ACTL8: variants seen among roughly 807,000 people sequenced by gnomAD.
The protein encoded by ACTL8 is actin like 8, also known as actin-like protein 8.
In ACTL8, 3 loss-of-function variants were observed where a neutral mutation model predicts 9.3. That is an observed-to-expected ratio of 0.32 (90% CI 0.15 to 0.83). The LOEUF (loss-of-function observed/expected upper bound fraction) is 0.83. ACTL8 is among the 40% of genes least tolerant of loss of function. The probability of loss-of-function intolerance (pLI) is 0.57; values close to 1 mark genes in which losing one functional copy is unlikely to be tolerated. For missense variants in ACTL8, 381 were observed against 492.2 expected (o/e 0.77, Z 2.14); for synonymous variants, 224 against 205.9 (o/e 1.09, Z -0.75).
chr1:17,810,793 T>G (rs779727544), intron 1 of ACTL8, among the ~76,000 whole-genome samples: 2 of 152,260 alleles, frequency 1.3e-5, no homozygotes, highest in Non-Finnish European at 2.9e-5. Context: ...TCATGTAGCA[T>G]AGTAATTTTG....
intron 1 of ACTL8, among the ~76,000 whole-genome samples, chr1:17,766,847 C>T (rs1319418710): frequency 6.6e-6 from 1 of 152,134 alleles, no homozygotes; most frequent in Non-Finnish European, 1.5e-5. Context: ...TTCATTTGTT[C>T]ATTCATTCCT....
intron 1 of ACTL8, among the ~76,000 whole-genome samples, chr1:17,778,783 C>T (rs545178092): frequency 4.6e-5 from 7 of 152,172 alleles, no homozygotes; most frequent in East Asian, 3.9e-4. Context: ...GATTAGCTTT[C>T]GGTGGGGCTT....
At chr1:17,785,761 T>TA (rs1282152195) in intron 1 of ACTL8, among the ~76,000 whole-genome samples, 2 of 152,234 alleles carry the variant, frequency 1.3e-5, no homozygotes, top group Non-Finnish European at 2.9e-5. Context: ...ATGGGTGTGT[T>TA]AGTTTTTTCC....
intron 1 of ACTL8, among the ~76,000 whole-genome samples, chr1:17,764,649 TTGA>T (rs1410909511): frequency 6.6e-6 from 1 of 152,136 alleles, no homozygotes; most frequent in Non-Finnish European, 1.5e-5. Context: ...CCCCACGCTG[TTGA>T]TGATCCTCCA....
chr1:17,758,993 G>A (rs1298824844), intron 1 of ACTL8, among the ~76,000 whole-genome samples: 4 of 152,150 alleles, frequency 2.6e-5, no homozygotes, highest in Non-Finnish European at 5.9e-5. Context: ...GACGACTCCT[G>A]GGCCTATTAG....
chr1:17,783,351 TG>T (rs201464719), intron 1 of ACTL8, among the ~76,000 whole-genome samples: 4,132 of 130,104 alleles, frequency 0.032, 268 homozygotes, highest in East Asian at 0.29. Flanking sequence ...TTTTTTGTTT[TG>T]TTTTTTTTTT....
chr1:17,817,331 T>G (rs2066432466), intron 1 of ACTL8, among the ~76,000 whole-genome samples: 1 of 152,176 alleles, frequency 6.6e-6, no homozygotes, highest in African/African-American at 2.4e-5. Flanking sequence ...TTGGTAGAAT[T>G]GCTCTCAATC....
intron 1 of ACTL8, among the ~76,000 whole-genome samples, chr1:17,778,872 C>T (rs191168498): frequency 2.6e-4 from 40 of 152,074 alleles, no homozygotes; most frequent in African/African-American, 8.9e-4. Context: ...GTGTGTTGGG[C>T]GATGAGTTGA....
chr1:17,815,998 G>A (rs1290567933), intron 1 of ACTL8, among the ~76,000 whole-genome samples: 2 of 151,954 alleles, frequency 1.3e-5, no homozygotes, highest in East Asian at 3.9e-4. Flanking sequence ...TTGTATAAAT[G>A]TATGGGATAC....
intron 1 of ACTL8, among the ~76,000 whole-genome samples, chr1:17,783,335 G>GTTTTTTTTTTTTTT: frequency 7.2e-6 from 1 of 139,204 alleles, no homozygotes; most frequent in Admixed American, 7.2e-5. Flanking sequence ...AAAAAGAGGA[G>GTTTTTTTTTTTTTT]TTTTTTTTTT....
At chr1:17,764,984 T>C (rs1490975118) in intron 1 of ACTL8, among the ~76,000 whole-genome samples, 1 of 152,134 alleles carries the variant, frequency 6.6e-6, no homozygotes, top group African/African-American at 2.4e-5. Context: ...TCCACCCAGG[T>C]AAAGCCACCA....
intron 1 of ACTL8, among the ~76,000 whole-genome samples, chr1:17,778,855 G>T (rs547803482): frequency 6.6e-6 from 1 of 152,242 alleles, no homozygotes; most frequent in Admixed American, 6.5e-5. Context: ...ACATGGATTT[G>T]GTGCTCGTGT....
intron 1 of ACTL8, among the ~76,000 whole-genome samples, chr1:17,786,576 G>A (rs1045722810): frequency 6.6e-6 from 1 of 151,906 alleles, no homozygotes; most frequent in Non-Finnish European, 1.5e-5. Flanking sequence ...TGAAGTGAGA[G>A]GAAGAATGGA....
chr1:17,800,583 CTTTTTTTTTTTT>C (rs59143238), intron 1 of ACTL8, among the ~76,000 whole-genome samples: 9 of 69,156 alleles, frequency 1.3e-4, no homozygotes, highest in Middle Eastern at 0.018. Context: ...TGGTGTCAAT[CTTTTTTTTTTTT>C]TTTTTTTTTT....
intron 1 of ACTL8, among the ~76,000 whole-genome samples, chr1:17,784,797 C>G (rs1316091007): frequency 1.3e-5 from 2 of 152,192 alleles, no homozygotes; most frequent in Admixed American, 6.5e-5. Context: ...AGATGAGACA[C>G]AACATGGGCT....
intron 1 of ACTL8, among the ~76,000 whole-genome samples, chr1:17,761,335 G>T (rs115863232): frequency 0.017 from 2,524 of 152,018 alleles, 60 homozygotes; most frequent in African/African-American, 0.053. Context: ...ATGCAGCAGT[G>T]ACTTAATAAA....
At chr1:17,779,812 C>T (rs1461810940) in intron 1 of ACTL8, among the ~76,000 whole-genome samples, 2 of 152,222 alleles carry the variant, frequency 1.3e-5, no homozygotes, top group Non-Finnish European at 2.9e-5. Context: ...TAAAATGTCT[C>T]ATGGCCCTAC....
chr1:17,809,816 A>C (rs1373699313), intron 1 of ACTL8, among the ~76,000 whole-genome samples: 1 of 152,074 alleles, frequency 6.6e-6, no homozygotes. Context: ...TTCATTGTAT[A>C]TTGCAATATA....
chr1:17,812,447 T>C lies in ACTL8; in HGVS notation c.-24-10538T>C, dbSNP rs2066399445. Among the ~76,000 whole-genome samples, 9 of 139,358 alleles carry C rather than the reference T, an allele frequency of 6.5e-5. No individual in the cohort carries two copies. The South Asian group carries it at 2.1e-3, about 33-fold the overall frequency. 91.4% of individuals were successfully genotyped at this position (139,358 alleles called of 152,430 possible). A position where few individuals can be genotyped will look rare whatever the true frequency, so the allele number is the denominator to read the frequency against. Reference sequence around the variant, plus strand: ...TTTTCCTTTTTTTTTTTTTTTTTTTTGAGACGGAGTCTCACTCTGTCATCC... The same window carrying C: ...TTTTCCTTTTTTTTTTTTTTTTTTTCGAGACGGAGTCTCACTCTGTCATCC... On this transcript the variant is annotated intron_variant, in intron 1 of 2. Coordinates refer to ENST00000375406, the MANE Select transcript of ACTL8 (RefSeq NM_030812.3).
Sources: allele counts gnomAD v4.1 joint callset (sites outside exome capture counted in the v4.1 genomes callset), GRCh38; gene constraint gnomAD v4.1.1; transcripts MANE v1.5; gene names NCBI Gene and HGNC (gene_info 2026-07-23, HGNC 2026-07-21).